The following FIGN variants were observed in gnomAD, a reference collection of about 807,000 sequenced individuals.
FIGN encodes fidgetin, microtubule severing factor, also known as fidgetin.
Under a neutral mutation model 51.3 loss-of-function variants are expected in FIGN, and 11 were observed. That is an observed-to-expected ratio of 0.21 (90% CI 0.13 to 0.35). The LOEUF is 0.35. FIGN is among the 10% of genes least tolerant of loss of function. FIGN has a pLI of 1.00. For synonymous variants in FIGN, 407 were observed against 363.2 expected (o/e 1.12, Z -1.37); for missense variants, 857 against 943.6 (o/e 0.91, Z 1.20).
In FIGN at chr2:163,682,051, C is replaced by T. The variant is rs905608520; in HGVS notation, c.25+52852G>A. Among the ~76,000 whole-genome samples the T allele has an allele frequency of 5.3e-5, 8 of 152,016 alleles. No individual in the cohort carries two copies. The East Asian group carries it at 1.2e-3, about 22-fold the overall frequency. On this transcript the variant is annotated intron_variant, in intron 2 of 2. Transcript: ENST00000333129. The stretch of plus-strand genomic sequence containing the variant: ...CTGATGTGCTAAGAGACCAAGACTG[C>T]GAATACTCAGAGACCTCAGGACAAA...
chr2:163,640,128 C>T (rs898974520), intron 2 of FIGN, among the ~76,000 whole-genome samples: 2 of 152,066 alleles, frequency 1.3e-5, no homozygotes, highest in African/African-American at 2.4e-5. Context: ...TAAAATAAAA[C>T]ACTTTTACAG....
At chr2:163,641,021 T>TC (rs1426365045) in intron 2 of FIGN, among the ~76,000 whole-genome samples, 1 of 152,154 alleles carries the variant, frequency 6.6e-6, no homozygotes, top group Non-Finnish European at 1.5e-5. Flanking sequence ...GTTTACTCTG[T>TC]CAGAGGCAGC....
At chr2:163,695,665 G>A (rs560012861) in intron 2 of FIGN, among the ~76,000 whole-genome samples, 135 of 152,288 alleles carry the variant, frequency 8.9e-4, no homozygotes, top group Middle Eastern at 3.4e-3. Flanking sequence ...GGCAAACTAA[G>A]ATGTATATTC....
At chr2:163,651,717 A>G (rs1305565183) in intron 2 of FIGN, among the ~76,000 whole-genome samples, 2 of 152,186 alleles carry the variant, frequency 1.3e-5, no homozygotes, top group South Asian at 2.1e-4. Flanking sequence ...AAGAGCTACA[A>G]TATTGGTAGG....
chr2:163,686,171 A>C (rs1684145179), intron 2 of FIGN, among the ~76,000 whole-genome samples: 2 of 152,226 alleles, frequency 1.3e-5, no homozygotes, highest in South Asian at 4.1e-4. Context: ...GAAGTTTAGA[A>C]TAGATTGCTA....
chr2:163,716,560 C>G (rs1684671236), intron 2 of FIGN, among the ~76,000 whole-genome samples: 1 of 152,066 alleles, frequency 6.6e-6, no homozygotes, highest in Non-Finnish European at 1.5e-5. Flanking sequence ...ATTTATAGAG[C>G]CAGCATCTGG....
intron 2 of FIGN, among the ~76,000 whole-genome samples, chr2:163,728,397 A>AAC (rs60526284): frequency 0.018 from 2,498 of 141,882 alleles, 37 homozygotes; most frequent in East Asian, 0.03. Flanking sequence ...CAAACCATTA[A>AAC]ACACACACAC....
At chr2:163,699,376 G>T (rs1399824451) in intron 2 of FIGN, among the ~76,000 whole-genome samples, 3 of 152,076 alleles carry the variant, frequency 2.0e-5, no homozygotes, top group Non-Finnish European at 2.9e-5. Flanking sequence ...ACATGTCAAC[G>T]ATTTACATGT....
At chr2:163,705,638 G>A (rs2105353492) in intron 2 of FIGN, among the ~76,000 whole-genome samples, 1 of 150,172 alleles carries the variant, frequency 6.7e-6, no homozygotes, top group African/African-American at 2.4e-5. Flanking sequence ...TTTATTTTTT[G>A]TCTTTTTTTT....
At chr2:163,716,050 T>C (rs1447430609) in intron 2 of FIGN, among the ~76,000 whole-genome samples, 1 of 152,224 alleles carries the variant, frequency 6.6e-6, no homozygotes, top group Non-Finnish European at 1.5e-5. Context: ...ATGCCAACTG[T>C]GGGGCTTTTT....
intron 2 of FIGN, among the ~76,000 whole-genome samples, chr2:163,659,371 A>G (rs1384361563): frequency 6.6e-6 from 1 of 152,198 alleles, no homozygotes; most frequent in Non-Finnish European, 1.5e-5. Flanking sequence ...CTAAACTACT[A>G]GAACAATCTG....
At chr2:163,678,330 C>A (rs762210499) in intron 2 of FIGN, among the ~76,000 whole-genome samples, 66 of 152,230 alleles carry the variant, frequency 4.3e-4, no homozygotes, top group Non-Finnish European at 8.7e-4. Flanking sequence ...AACTGATTCT[C>A]CCGCCTCAGC....
chr2:163,639,904 A>T (rs1404061063), intron 2 of FIGN, among the ~76,000 whole-genome samples: 1 of 152,174 alleles, frequency 6.6e-6, no homozygotes, highest in Non-Finnish European at 1.5e-5. Context: ...GTAGATATAT[A>T]CATGAATATT....
intron 2 of FIGN, among the ~76,000 whole-genome samples, chr2:163,700,277 C>T (rs1418549823): frequency 1.3e-5 from 2 of 151,962 alleles, no homozygotes; most frequent in Non-Finnish European, 2.9e-5. Flanking sequence ...CCTTATGTAA[C>T]TGACAAAAAA....
At chr2:163,634,201 G>A (rs935050669) in intron 2 of FIGN, among the ~76,000 whole-genome samples, 61 of 151,172 alleles carry the variant, frequency 4.0e-4, no homozygotes, top group African/African-American at 1.4e-3. Flanking sequence ...ATTAAAATAT[G>A]GAAAATACTT....
At chr2:163,688,597 G>C (rs1268264262) in intron 2 of FIGN, among the ~76,000 whole-genome samples, 3 of 152,144 alleles carry the variant, frequency 2.0e-5, no homozygotes, top group African/African-American at 4.8e-5. Context: ...CATAGTTTTA[G>C]AAGAGGAGTT....
chr2:163,650,212 G>A (rs1030072561), intron 2 of FIGN, among the ~76,000 whole-genome samples: 1 of 151,684 alleles, frequency 6.6e-6, no homozygotes. Flanking sequence ...TTATTGAATC[G>A]ATATTGTAAT....
At chr2:163,624,352 C>G (rs1338849586) in intron 2 of FIGN, among the ~76,000 whole-genome samples, 1 of 151,618 alleles carries the variant, frequency 6.6e-6, no homozygotes, top group African/African-American at 2.4e-5. Context: ...AGAATAACCT[C>G]CACAAACCAA....
At chr2:163,612,637 CCTT>C (rs1682777561) in intron 2 of FIGN, 6 of 984,490 alleles carry the variant, frequency 6.1e-6, no homozygotes, top group South Asian at 9.4e-5. Context: ...CGTTCTCCCT[CCTT>C]CTCTTATAAT....
Sources: gnomAD v4.1 joint callset for allele counts (sites outside exome capture counted in the v4.1 genomes callset) on GRCh38, gnomAD v4.1.1 for gene constraint, MANE v1.5 for transcripts, NCBI Gene and HGNC (gene_info 2026-07-23, HGNC 2026-07-21) for gene names.